Variants in RNF43 observed in about 807,000 individuals in gnomAD.
RNF43 encodes ring finger protein 43.
In RNF43, 37 loss-of-function variants were observed where a neutral mutation model predicts 78.4. The observed-to-expected ratio is 0.47, with a 90% CI of 0.36 to 0.62. RNF43 has a LOEUF of 0.62. RNF43 is among the 20% of genes least tolerant of loss of function. RNF43 has a pLI of 0.00. For synonymous variants in RNF43, 347 were observed against 395.0 expected (o/e 0.88, Z 1.44); for missense variants, 774 against 1,007.9 (o/e 0.77, Z 3.14).
intron 2 of RNF43, among the ~76,000 whole-genome samples, chr17:58,384,718 A>G (rs1973395791): frequency 6.6e-6 from 1 of 152,222 alleles, no homozygotes; most frequent in Non-Finnish European, 1.5e-5. Flanking sequence ...GAAGAAGCAC[A>G]GAGTAAAAGG....
At chr17:58,411,146 T>C (rs1441582151) in intron 2 of RNF43, among the ~76,000 whole-genome samples, 1 of 152,198 alleles carries the variant, frequency 6.6e-6, no homozygotes, top group Non-Finnish European at 1.5e-5. Flanking sequence ...AGCTAATACA[T>C]GTAAAGTGCA....
At chr17:58,403,532 T>A (rs1259927199) in intron 2 of RNF43, among the ~76,000 whole-genome samples, 1 of 152,204 alleles carries the variant, frequency 6.6e-6, no homozygotes, top group Non-Finnish European at 1.5e-5. Context: ...AAGTTGCCTC[T>A]GCTGAAGGCC....
In RNF43 at chr17:58,358,230, C is replaced by A; in HGVS notation, c.1546G>T (p.Asp516Tyr). 6.2e-7 allele frequency: 1 copy of A among 1,613,598 alleles called. No individual in the cohort carries two copies. The highest frequency in any genetic ancestry group is 8.5e-7 in the Non-Finnish European group (1 of 1,179,730). The change falls in exon 9 of 10, where the codon GAT becomes TAT. Residue 516 changes from aspartate (D) to tyrosine (Y), a missense_variant. Transcript: ENST00000407977. The surrounding 1 kb of genome is among the most constrained non-coding windows in gnomAD (Gnocchi z 6.2). Reference sequence around the variant, plus strand: ...GGCTGCATGTCCACTCGCTGGGGATCCCCTTTAGGGCTGCAGTACACTAGG... The same window carrying A: ...GGCTGCATGTCCACTCGCTGGGGATACCCTTTAGGGCTGCAGTACACTAGG... The part of the protein sequence containing the change: ...DPLVYCSPKG[D>Y]PQRVDMQPSV...
rs1972633548 is a variant in RNF43 at position 58,354,126 on chromosome 17, T to G, written c.*817A>C. ...CTTTTCCCAGAGAAGAACTCTTTGT[T>G]GTCCCCGCTCAGCTGTAATTCTGCC... On this transcript the variant is annotated 3_prime_UTR_variant, in exon 10 of 10. Transcript: ENST00000407977. The G allele has an allele frequency of 5.0e-6, 1 of 199,904 alleles. No individual in the cohort carries two copies. The highest frequency in any genetic ancestry group is 2.3e-5 in the African/African-American group (1 of 43,490). The allele number at this position is 199,904 out of a possible 1,614,324, so 12.4% of individuals were successfully genotyped here.
intron 2 of RNF43, among the ~76,000 whole-genome samples, chr17:58,389,799 G>C (rs1973513849): frequency 6.6e-6 from 1 of 152,158 alleles, no homozygotes; most frequent in Non-Finnish European, 1.5e-5. Context: ...ACATAAATAT[G>C]ATCTAACACA....
In RNF43 at chr17:58,357,685, G is replaced by A. The variant is rs199916345; in HGVS notation, c.2091C>T (p.His697=). 587 of 1,612,432 alleles carry A rather than the reference G, an allele frequency of 3.6e-4. 2 individuals are homozygous for A. Among genetic ancestry groups the A allele is most frequent in the Non-Finnish European group, 3.1e-4 (368 of 1,179,082 alleles). ...GGCCTGGAGGTCCACAGATCAAGGG[G>A]TGTGCCTCTGGGGACCAAGGATATG... ...SVAYPWSPEA[H]PLICGPPGLD... Residue 697 remains histidine (H), a synonymous_variant, in exon 9 of 10, where the codon CAC becomes CAT. Coordinates refer to ENST00000407977, the MANE Select transcript of RNF43 (RefSeq NM_017763.6). The surrounding 1 kb of genome is among the most constrained non-coding windows in gnomAD (Gnocchi z 4.5).
intron 3 of RNF43, among the ~76,000 whole-genome samples, chr17:58,365,439 G>C (rs1405873223): frequency 6.6e-6 from 1 of 152,158 alleles, no homozygotes; most frequent in Non-Finnish European, 1.5e-5. Context: ...TGGAGATTTT[G>C]TTATTTCCCC....
At chr17:58,388,197 T>G (rs185581019) in intron 2 of RNF43, among the ~76,000 whole-genome samples, 139 of 152,310 alleles carry the variant, frequency 9.1e-4, no homozygotes, top group Non-Finnish European at 1.7e-3. Flanking sequence ...TAGCAGCATA[T>G]GTAATTGCTA....
chr17:58,360,642 C>T lies in RNF43; in HGVS notation c.849+141G>A. On this transcript the variant is annotated intron_variant, in intron 7 of 9. Coordinates refer to ENST00000407977, the MANE Select transcript of RNF43 (RefSeq NM_017763.6). The surrounding 1 kb of genome is among the most constrained non-coding windows in gnomAD (Gnocchi z 4.3). ...AAAAGTGACCAAACTTCAGGCTGGT[C>T]CCTGATCTCTGCCTCATGCAGGACA... The T allele has an allele frequency of 3.3e-6, 3 of 907,028 alleles. No individual in the cohort carries two copies. Among genetic ancestry groups the T allele is most frequent in the Non-Finnish European group, 4.9e-6 (3 of 617,140 alleles). 56.2% of individuals were successfully genotyped at this position (907,028 alleles called of 1,614,324 possible). A position where few individuals can be genotyped will look rare whatever the true frequency, so the allele number is the denominator to read the frequency against.
intron 2 of RNF43, among the ~76,000 whole-genome samples, chr17:58,374,136 C>T (rs935847910): frequency 1.3e-5 from 2 of 151,226 alleles, no homozygotes; most frequent in African/African-American, 4.9e-5. Context: ...AACTGAGGCA[C>T]TAAAAGGTTA....
intron 2 of RNF43, among the ~76,000 whole-genome samples, chr17:58,384,200 C>G (rs191365881): frequency 6.6e-6 from 1 of 152,338 alleles, no homozygotes; most frequent in African/African-American, 2.4e-5. Context: ...TAATCAAAGG[C>G]TGATAAATGA....
chr17:58,352,677 T>A, downstream of RNF43: 1 of 201,758 alleles, frequency 5.0e-6, no homozygotes, highest in East Asian at 7.5e-5. Flanking sequence ...CCTTCCTAAC[T>A]GCGAGAGCGC....
At chr17:58,370,352 G>A (rs929349940) in intron 3 of RNF43, among the ~76,000 whole-genome samples, 3 of 152,118 alleles carry the variant, frequency 2.0e-5, no homozygotes, top group South Asian at 2.1e-4. Flanking sequence ...ATAGGCGTGC[G>A]CCACCACGCC....
In RNF43 at chr17:58,360,375, G is replaced by T; in HGVS notation, c.850-124C>A. 1 of 689,204 alleles carries T rather than the reference G, an allele frequency of 1.5e-6. No individual in the cohort carries two copies. Among genetic ancestry groups the T allele is most frequent in the Non-Finnish European group, 2.5e-6 (1 of 393,858 alleles). 42.7% of individuals were successfully genotyped at this position (689,204 alleles called of 1,614,324 possible). A position where few individuals can be genotyped will look rare whatever the true frequency, so the allele number is the denominator to read the frequency against. ...TTATCTACTTGTAAAAGACCTCACAGTAGAATAGGAATGGTATGAGCTTTG... is the reference window on the plus strand; with the variant it reads ...TTATCTACTTGTAAAAGACCTCACATTAGAATAGGAATGGTATGAGCTTTG... On this transcript the variant is annotated intron_variant, in intron 7 of 9. Coordinates refer to ENST00000407977, the MANE Select transcript of RNF43 (RefSeq NM_017763.6). This position sits in a 1 kb window ranked among gnomAD's most constrained non-coding sequence, Gnocchi z 4.3.
chr17:58,382,763 A>G (rs1340956018), intron 2 of RNF43, among the ~76,000 whole-genome samples: 1 of 152,244 alleles, frequency 6.6e-6, no homozygotes, highest in Non-Finnish European at 1.5e-5. Context: ...AGCAGTGTAT[A>G]CACGTGCTCA....
chr17:58,401,227 A>G (rs1973793142), intron 2 of RNF43, among the ~76,000 whole-genome samples: 1 of 152,226 alleles, frequency 6.6e-6, no homozygotes, highest in Non-Finnish European at 1.5e-5. Flanking sequence ...AAACCAGGTA[A>G]ACCAGAAAGT....
intron 4 of RNF43, 46 bp from the exon 5 acceptor site, chr17:58,363,452 C>T (rs367982531): frequency 9.3e-6 from 15 of 1,613,902 alleles, no homozygotes; most frequent in Non-Finnish European, 1.3e-5. Context: ...TTCTCCCTGC[C>T]CTTCCCTCTC....
chr17:58,362,343 A>G (rs1013588735), intron 6 of RNF43, among the ~76,000 whole-genome samples: 9 of 152,194 alleles, frequency 5.9e-5, no homozygotes, highest in Non-Finnish European at 1.0e-4. Context: ...GACACATAAT[A>G]GAGCTTGGTG....
At chr17:58,398,692 T>C (rs906181635) in intron 2 of RNF43, among the ~76,000 whole-genome samples, 2 of 152,182 alleles carry the variant, frequency 1.3e-5, no homozygotes, top group Non-Finnish European at 1.5e-5. Flanking sequence ...TCTCAAGACT[T>C]TGTCCAATAG....
Sources: gnomAD v4.1 joint callset for allele counts (sites outside exome capture counted in the v4.1 genomes callset) on GRCh38, gnomAD v4.1.1 for gene constraint, Gnocchi (gnomAD v3.1) non-coding constraint, MANE v1.5 for transcripts, NCBI Gene and HGNC (gene_info 2026-07-23, HGNC 2026-07-21) for gene names.